The following TP63 variants were observed in gnomAD, a reference collection of about 807,000 sequenced individuals.
The protein encoded by TP63 is tumor protein p63, also known as tumor protein 63.
In TP63, 17 loss-of-function variants were observed where a neutral mutation model predicts 82.8. The ratio of observed to expected loss-of-function variants is 0.21; its 90% confidence interval spans 0.14 to 0.31. The LOEUF (loss-of-function observed/expected upper bound fraction) is 0.31. Among genes scored for constraint, TP63 ranks in the 10% least tolerant of loss-of-function variants. TP63 has a pLI of 1.00. For synonymous variants in TP63, 330 were observed against 321.7 expected (o/e 1.03, Z -0.28); for missense variants, 648 against 895.3 (o/e 0.72, Z 3.52).
chr3:189,779,968 G>A (rs942400281), intron 3 of TP63, among the ~76,000 whole-genome samples: 1 of 152,074 alleles, frequency 6.6e-6, no homozygotes, highest in Admixed American at 6.6e-5. Context: ...TAACTAAAAG[G>A]CAATAAGATC....
intron 10 of TP63, among the ~76,000 whole-genome samples, chr3:189,875,148 G>A (rs1285856625): frequency 6.6e-6 from 1 of 152,048 alleles, no homozygotes; most frequent in African/African-American, 2.4e-5. Flanking sequence ...AACAGCCGAA[G>A]ATAATGCATA....
chr3:189,777,013 A>C lies in TP63; in HGVS notation c.325-31259A>C, dbSNP rs545356420. On this transcript the variant is annotated intron_variant, in intron 3 of 13. Transcript: ENST00000264731. ...GAGGCCTATACCTTTTCTTCAGGGAAGTTAAATCATAAACCTTTCTGGAAG... is the reference window on the plus strand; with the variant it reads ...GAGGCCTATACCTTTTCTTCAGGGACGTTAAATCATAAACCTTTCTGGAAG... Among the ~76,000 whole-genome samples the C allele has an allele frequency of 1.4e-3, 214 of 152,296 alleles. 1 individual carries two copies. The highest frequency in any genetic ancestry group is 2.4e-3 in the Admixed American group (36 of 15,292).
chr3:189,607,825 GT>G, the TP63 span, among the ~76,000 whole-genome samples: 1 of 152,070 alleles, frequency 6.6e-6, no homozygotes, highest in East Asian at 1.9e-4. Flanking sequence ...TATTTATATA[GT>G]TTTAAGATGA....
rs1028490286 is a variant in TP63, at chr3:189,682,522, C to T, written c.62+50945C>T. Among the ~76,000 whole-genome samples the T allele has an allele frequency of 5.0e-4, 58 of 116,502 alleles. 1 individual carries two copies. The highest frequency in any genetic ancestry group is 1.8e-3 in the African/African-American group (52 of 29,324). 76.4% of individuals were successfully genotyped at this position (116,502 alleles called of 152,430 possible). A position where few individuals can be genotyped will look rare whatever the true frequency, so the allele number is the denominator to read the frequency against. ...TAACCCAGCAGTTTCATTCCTGGGACTTGGTCCTAAGGGGAAAAAAAAAAA... is the reference window on the plus strand; with the variant it reads ...TAACCCAGCAGTTTCATTCCTGGGATTTGGTCCTAAGGGGAAAAAAAAAAA... On this transcript the variant is annotated intron_variant, in intron 1 of 13. Coordinates refer to ENST00000264731, the MANE Select transcript of TP63 (RefSeq NM_003722.5).
chr3:189,838,410 T>C (rs1386344594), intron 4 of TP63, among the ~76,000 whole-genome samples: 1 of 152,192 alleles, frequency 6.6e-6, no homozygotes. Context: ...TTTTCCGTGT[T>C]GGGGCTAATT....
intron 4 of TP63, among the ~76,000 whole-genome samples, chr3:189,815,393 T>C (rs1315143437): frequency 6.6e-6 from 1 of 152,136 alleles, no homozygotes; most frequent in East Asian, 1.9e-4. Context: ...AGCCGAATGA[T>C]AAGTACAGAA....
intron 1 of TP63, among the ~76,000 whole-genome samples, chr3:189,718,248 A>G (rs942683596): frequency 3.3e-5 from 5 of 151,994 alleles, no homozygotes; most frequent in African/African-American, 9.7e-5. Context: ...AGAATTATTT[A>G]AAGGGAAAAA....
chr3:189,737,888 GAAA>G lies in TP63; in HGVS notation c.191+21_191+23del. 2 of 1,613,490 alleles carry G rather than the reference GAAA, an allele frequency of 1.2e-6. No homozygotes were observed. The highest frequency in any genetic ancestry group is 1.7e-6 in the Non-Finnish European group (2 of 1,179,606). ...GGAACAGTAAGTATAAAACAAGCAA[GAAA>G]TGTTTTGCTTGAGCTAAATAGGTAA... On this transcript the variant is annotated intron_variant, in intron 2 of 13. Transcript: ENST00000264731.
At chr3:189,871,577 T>A (rs1340118717) in intron 9 of TP63, among the ~76,000 whole-genome samples, 2 of 152,196 alleles carry the variant, frequency 1.3e-5, no homozygotes, top group African/African-American at 4.8e-5. Context: ...TAATTCTGCC[T>A]TTCCTACTGG....
chr3:189,815,410 G>A (rs1728073652), intron 4 of TP63, among the ~76,000 whole-genome samples: 1 of 152,092 alleles, frequency 6.6e-6, no homozygotes, highest in South Asian at 2.1e-4. Flanking sequence ...AGAAACTGTG[G>A]CAAAAGAGCT....
intron 1 of TP63, among the ~76,000 whole-genome samples, chr3:189,713,280 A>G (rs1466431960): frequency 4.6e-5 from 7 of 152,196 alleles, no homozygotes; most frequent in Non-Finnish European, 1.0e-4. Flanking sequence ...GAATGGACAA[A>G]CTACTAACTT....
At chr3:189,713,645 T>C (rs1391510391) in intron 1 of TP63, among the ~76,000 whole-genome samples, 2 of 152,150 alleles carry the variant, frequency 1.3e-5, no homozygotes, top group Admixed American at 1.3e-4. Context: ...AAGTGTTATA[T>C]ATACCATAGT....
At chr3:189,619,849 C>A in the TP63 span, among the ~76,000 whole-genome samples, 16 of 152,152 alleles carry the variant, frequency 1.1e-4, no homozygotes, top group African/African-American at 3.9e-4. Flanking sequence ...TGTCCAAAGT[C>A]CACGTACTTC....
intron 3 of TP63, among the ~76,000 whole-genome samples, chr3:189,739,966 T>C (rs1039425367): frequency 6.6e-6 from 1 of 152,122 alleles, no homozygotes; most frequent in Non-Finnish European, 1.5e-5. Context: ...TACTGGAATT[T>C]TTGCTATGTA....
chr3:189,806,780 G>A lies in TP63; in HGVS notation c.325-1492G>A, dbSNP rs537631237. Among the ~76,000 whole-genome samples, 11 of 152,166 alleles carry A rather than the reference G, an allele frequency of 7.2e-5. No homozygotes were observed. In the East Asian group the frequency reaches 1.9e-3, roughly 27 times the overall value. On this transcript the variant is annotated intron_variant, in intron 3 of 13. Coordinates refer to ENST00000264731, the MANE Select transcript of TP63 (RefSeq NM_003722.5). Reference sequence around the variant, plus strand: ...GACATGGCATTCGGCAGTGGAATGCGAATGCATGAATGTAATGGAATGAGC... The same window carrying A: ...GACATGGCATTCGGCAGTGGAATGCAAATGCATGAATGTAATGGAATGAGC...
chr3:189,859,004 A>G (rs1295857969), intron 4 of TP63, among the ~76,000 whole-genome samples: 1 of 152,166 alleles, frequency 6.6e-6, no homozygotes, highest in Non-Finnish European at 1.5e-5. Flanking sequence ...AGATGGGTCA[A>G]TGGGTACAAT....
intron 1 of TP63, among the ~76,000 whole-genome samples, chr3:189,682,671 T>C (rs1403364645): frequency 6.6e-6 from 1 of 151,324 alleles, no homozygotes; most frequent in African/African-American, 2.4e-5. Context: ...TTTAGCTAAT[T>C]TATTTCACTT....
chr3:189,631,355 C>A (rs1437775079), upstream of TP63: 8 of 1,475,828 alleles, frequency 5.4e-6, no homozygotes, highest in African/African-American at 1.1e-4. Flanking sequence ...CGCCTCTTTG[C>A]AAATATGTAT....
chr3:189,825,660 T>C (rs1288637504), intron 4 of TP63, among the ~76,000 whole-genome samples: 1 of 152,240 alleles, frequency 6.6e-6, no homozygotes. Context: ...GTGTCTTCTC[T>C]ATTCTTTCCC....
Sources: gnomAD v4.1 joint callset for allele counts (sites outside exome capture counted in the v4.1 genomes callset) on GRCh38, gnomAD v4.1.1 for gene constraint, MANE v1.5 for transcripts, NCBI Gene and HGNC (gene_info 2026-07-23, HGNC 2026-07-21) for gene names.